PCDH15: variants seen among roughly 807,000 people sequenced by gnomAD.
The protein encoded by PCDH15 is protocadherin-15.
PCDH15 carries 129 observed loss-of-function variants against 178.5 expected under a neutral mutation model. The ratio of observed to expected loss-of-function variants is 0.72; its 90% CI spans 0.63 to 0.84. The LOEUF (loss-of-function observed/expected upper bound fraction) is 0.84, where lower values mean the gene tolerates loss of function less well. PCDH15 is among the 40% of genes least tolerant of loss of function. The pLI is 0.00. For missense variants in PCDH15, 2,230 were observed against 2,099.9 expected, an observed-to-expected ratio of 1.06 and a Z score of -1.21; for synonymous variants, 800 against 732.0, an observed-to-expected ratio of 1.09 and a Z score of -1.50.
intron 23 of PCDH15, among the ~76,000 whole-genome samples, chr10:53,958,843 G>C (rs2087912675): frequency 6.6e-6 from 1 of 151,732 alleles, no homozygotes; most frequent in South Asian, 2.1e-4. Flanking sequence ...GCCAGGCATG[G>C]TGGTGGGCAC....
intron 13 of PCDH15, among the ~76,000 whole-genome samples, chr10:54,169,431 A>C: frequency 2.3e-5 from 3 of 132,920 alleles, no homozygotes; most frequent in Non-Finnish European, 3.3e-5. Flanking sequence ...ACCTCTGAAA[A>C]CTCCCCAACT....
chr10:54,952,334 C>A (rs897659139), intron 2 of PCDH15, among the ~76,000 whole-genome samples: 3 of 151,776 alleles, frequency 2.0e-5, no homozygotes, highest in African/African-American at 7.2e-5. Flanking sequence ...AGGTCTACTT[C>A]GAGGATCTCT....
At chr10:54,517,109 C>G (rs1188900512) in intron 3 of PCDH15, among the ~76,000 whole-genome samples, 1 of 152,068 alleles carries the variant, frequency 6.6e-6, no homozygotes, top group Non-Finnish European at 1.5e-5. Flanking sequence ...CAAAAACAGG[C>G]CAAATTGTAA....
At chr10:55,270,606 A>G (rs1842418329) in intron 1 of PCDH15, among the ~76,000 whole-genome samples, 1 of 151,820 alleles carries the variant, frequency 6.6e-6, no homozygotes, top group South Asian at 2.1e-4. Flanking sequence ...ATCTCACACC[A>G]GTCAGAATGG....
At position 54,170,409 on chromosome 10, in the gene PCDH15, C is replaced by T. The variant is rs562109679; in HGVS notation, c.1590+13035G>A. 2.2e-3 allele frequency among the ~76,000 whole-genome samples: 327 copies of T among 152,078 alleles called. 2 individuals carry two copies. Among genetic ancestry groups the T allele is most frequent in the Middle Eastern group, 0.017 (5 of 294 alleles). On this transcript the variant is annotated intron_variant, in intron 13 of 37. Coordinates refer to ENST00000644397, the MANE Select transcript of PCDH15 (RefSeq NM_001384140.1). ...TAGCCCTCATGTCTGCGTGCAGTGGCTGCCACTGCATTAATACTTTTAGAG... is the reference window on the plus strand; with the variant it reads ...TAGCCCTCATGTCTGCGTGCAGTGGTTGCCACTGCATTAATACTTTTAGAG...
chr10:54,200,177 T>A (rs1223515943), intron 10 of PCDH15, among the ~76,000 whole-genome samples: 3 of 151,936 alleles, frequency 2.0e-5, no homozygotes, highest in Non-Finnish European at 4.4e-5. Flanking sequence ...ATGGTAAAGC[T>A]TATCAAATTA....
chr10:54,084,339 G>A (rs904469182), intron 16 of PCDH15, among the ~76,000 whole-genome samples: 1 of 151,852 alleles, frequency 6.6e-6, no homozygotes, highest in Admixed American at 6.6e-5. Flanking sequence ...CGGGTGTGGT[G>A]GTGGGTGCCT....
chr10:53,942,514 C>T (rs1265073096), intron 23 of PCDH15, among the ~76,000 whole-genome samples: 1 of 152,192 alleles, frequency 6.6e-6, no homozygotes, highest in Non-Finnish European at 1.5e-5. Flanking sequence ...AAGATTATGA[C>T]TTGACTAGAT....
intron 18 of PCDH15, among the ~76,000 whole-genome samples, chr10:54,040,481 A>G (rs1233376860): frequency 1.3e-5 from 2 of 151,802 alleles, no homozygotes; most frequent in Non-Finnish European, 1.5e-5. Context: ...CAATAAACCT[A>G]TTTTTTCTTT....
intron 17 of PCDH15, among the ~76,000 whole-genome samples, chr10:54,072,099 A>G (rs2094255726): frequency 6.6e-6 from 1 of 152,138 alleles, no homozygotes; most frequent in African/African-American, 2.4e-5. Flanking sequence ...TCTGTGAGAA[A>G]ACACAAGAAA....
At chr10:53,809,130 A>G in intron 37 of PCDH15, 1 of 1,613,816 alleles carries the variant, frequency 6.2e-7, no homozygotes, top group Non-Finnish European at 8.5e-7. Flanking sequence ...CTTCTGATTC[A>G]GGGGTGGAAC....
intron 2 of PCDH15, among the ~76,000 whole-genome samples, chr10:54,913,372 T>C (rs1056400861): frequency 6.6e-6 from 1 of 152,124 alleles, no homozygotes; most frequent in Non-Finnish European, 1.5e-5. Context: ...GCCCCAAGCA[T>C]TGGCAGCTTC....
At chr10:54,658,732 T>C (rs985734407) in intron 2 of PCDH15, among the ~76,000 whole-genome samples, 1 of 152,096 alleles carries the variant, frequency 6.6e-6, no homozygotes, top group African/African-American at 2.4e-5. Flanking sequence ...AATTACACAA[T>C]TGAATATACA....
chr10:54,427,260 CTT>C (rs1420193629), intron 3 of PCDH15, among the ~76,000 whole-genome samples: 24 of 96,538 alleles, frequency 2.5e-4, no homozygotes, highest in African/African-American at 8.9e-4. Context: ...ATTTCTTTCT[CTT>C]TTTCTGGTTT....
At chr10:53,852,224 T>C (rs1339683582) in intron 28 of PCDH15, among the ~76,000 whole-genome samples, 2 of 152,076 alleles carry the variant, frequency 1.3e-5, no homozygotes, top group Non-Finnish European at 2.9e-5. Flanking sequence ...TATTTGTCCA[T>C]TGTAGTTACG....
chr10:53,986,935 A>T (rs2091143789), intron 21 of PCDH15, among the ~76,000 whole-genome samples: 1 of 152,190 alleles, frequency 6.6e-6, no homozygotes, highest in South Asian at 2.1e-4. Flanking sequence ...GACCAAGGCC[A>T]CAGGGCTAGT....
chr10:54,171,248 G>A (rs188797004), intron 13 of PCDH15, among the ~76,000 whole-genome samples: 2,612 of 151,952 alleles, frequency 0.017, 51 homozygotes, highest in African/African-American at 0.049. Context: ...ACGGTCCTCC[G>A]TCTTCAAGAA....
intron 2 of PCDH15, among the ~76,000 whole-genome samples, chr10:55,588,487 A>C (rs1842770866): frequency 6.6e-6 from 1 of 152,208 alleles, no homozygotes; most frequent in Admixed American, 6.5e-5. Flanking sequence ...AAGCTCGCAC[A>C]AATGCAAGAA....
At chr10:55,422,830 T>C (rs1331356264) in intron 2 of PCDH15, among the ~76,000 whole-genome samples, 1 of 151,882 alleles carries the variant, frequency 6.6e-6, no homozygotes, top group Non-Finnish European at 1.5e-5. Flanking sequence ...CATTAATAAG[T>C]TTATTTTATA....
Sources: allele counts gnomAD v4.1 joint callset (sites outside exome capture counted in the v4.1 genomes callset), GRCh38; gene constraint gnomAD v4.1.1; transcripts MANE v1.5; gene names NCBI Gene and HGNC (gene_info 2026-07-23, HGNC 2026-07-21).